The following PRIM2 variants were observed in gnomAD, a reference collection of about 807,000 sequenced individuals.
PRIM2 encodes DNA primase subunit 2.
PRIM2 carries 39 observed loss-of-function variants against 67.3 expected under a neutral mutation model. The ratio of observed to expected loss-of-function variants is 0.58; its 90% CI spans 0.45 to 0.76. The LOEUF is 0.76. Ranked by LOEUF, PRIM2 falls within the 30% of genes least tolerant of loss-of-function variation. The pLI is 0.00. For missense variants in PRIM2, 398 were observed against 598.7 expected, an observed-to-expected ratio of 0.66 and a Z score of 3.50; for synonymous variants, 143 against 198.7, an observed-to-expected ratio of 0.72 and a Z score of 2.36.
chr6:57,372,515 A>G (rs12213650), intron 5 of PRIM2, among the ~76,000 whole-genome samples: 1 of 152,304 alleles, frequency 6.6e-6, no homozygotes, highest in East Asian at 1.9e-4. Context: ...GATTGACACA[A>G]CTAAACTTCA....
At chr6:57,285,166 A>T in the PRIM2 span, among the ~76,000 whole-genome samples, 1 of 152,212 alleles carries the variant, frequency 6.6e-6, no homozygotes, top group Non-Finnish European at 1.5e-5. Context: ...CCAGGACTGG[A>T]CGGATTCACA....
chr6:57,290,827 G>C, the PRIM2 span, among the ~76,000 whole-genome samples: 8 of 152,148 alleles, frequency 5.3e-5, no homozygotes, highest in Admixed American at 2.0e-4. Context: ...CAACATACCA[G>C]AATCTCTGGG....
chr6:57,521,382 T>TGTTTG (rs1464443245), intron 8 of PRIM2, among the ~76,000 whole-genome samples: 27 of 147,372 alleles, frequency 1.8e-4, no homozygotes, highest in African/African-American at 6.5e-4. Flanking sequence ...TTTTTTTTTT[T>TGTTTG]TTTTTTTTTT....
chr6:57,291,619 C>A, the PRIM2 span, among the ~76,000 whole-genome samples: 1 of 152,146 alleles, frequency 6.6e-6, no homozygotes, highest in Non-Finnish European at 1.5e-5. Context: ...CAAACCGAAT[C>A]CAGCAGCACA....
intron 10 of PRIM2, among the ~76,000 whole-genome samples, chr6:57,555,893 G>A (rs1361252521): frequency 2.0e-5 from 3 of 152,142 alleles, no homozygotes; most frequent in Admixed American, 6.5e-5. Flanking sequence ...TAGCCAAGGG[G>A]GATAGAAAAA....
chr6:57,341,315 T>G (rs79110655), intron 5 of PRIM2, among the ~76,000 whole-genome samples: 1 of 152,236 alleles, frequency 6.6e-6, no homozygotes, highest in African/African-American at 2.4e-5. Flanking sequence ...TTATGCCTTA[T>G]GTTTTTGAAA....
At chr6:57,263,944 G>C in the PRIM2 span, among the ~76,000 whole-genome samples, 4 of 152,290 alleles carry the variant, frequency 2.6e-5, no homozygotes, top group South Asian at 6.2e-4. Flanking sequence ...CTTCAGACTA[G>C]AGCGTGCTGC....
chr6:57,630,197 T>C (rs1777018484), intron 12 of PRIM2, among the ~76,000 whole-genome samples: 3 of 151,854 alleles, frequency 2.0e-5, no homozygotes, highest in Admixed American at 1.3e-4. Flanking sequence ...TGCTGGGACA[T>C]GATTAAAGTT....
intron 9 of PRIM2, among the ~76,000 whole-genome samples, chr6:57,537,119 C>T (rs1226049623): frequency 2.6e-5 from 4 of 152,046 alleles, no homozygotes; most frequent in Non-Finnish European, 5.9e-5. Flanking sequence ...TGTATTATTT[C>T]TTGTAACTGT....
intron 5 of PRIM2, among the ~76,000 whole-genome samples, chr6:57,340,717 T>A (rs924136413): frequency 1.3e-5 from 2 of 150,826 alleles, no homozygotes; most frequent in African/African-American, 4.9e-5. Context: ...GGGGTGGGGG[T>A]AGGGGTGAGG....
chr6:57,374,307 T>TTTATTTATTTA (rs1562718660), intron 5 of PRIM2, among the ~76,000 whole-genome samples: 852 of 52,910 alleles, frequency 0.016, 11 homozygotes, highest in African/African-American at 0.057. Context: ...TTATTTATTT[T>TTTATTTATTTA]TTTTGAGACG....
At chr6:57,408,315 G>A (rs1281403095) in intron 7 of PRIM2, among the ~76,000 whole-genome samples, 2 of 152,188 alleles carry the variant, frequency 1.3e-5, no homozygotes, top group Non-Finnish European at 2.9e-5. Flanking sequence ...GGGCTCCAAA[G>A]CTGAGAGAAG....
intron 10 of PRIM2, among the ~76,000 whole-genome samples, chr6:57,570,295 G>A (rs1207906455): frequency 6.6e-6 from 1 of 152,136 alleles, no homozygotes; most frequent in Non-Finnish European, 1.5e-5. Flanking sequence ...AAAGCCAAAT[G>A]CCTTTGTTTC....
the PRIM2 span, among the ~76,000 whole-genome samples, chr6:57,240,097 T>TTTTTTTG: frequency 1.3e-3 from 26 of 19,932 alleles, no homozygotes; most frequent in African/African-American, 4.3e-3. Context: ...ATCTGTTTTT[T>TTTTTTTG]TTTTTTTTTT....
chr6:57,533,411 G>A (rs1774933616), intron 9 of PRIM2, among the ~76,000 whole-genome samples: 3 of 152,146 alleles, frequency 2.0e-5, no homozygotes, highest in Admixed American at 6.6e-5. Context: ...AATAAGACTA[G>A]TAGAGAAAGA....
At chr6:57,633,705 C>T (rs1339907047) in intron 13 of PRIM2, among the ~76,000 whole-genome samples, 9 of 152,110 alleles carry the variant, frequency 5.9e-5, no homozygotes, top group Non-Finnish European at 8.8e-5. Flanking sequence ...TAGATAATCA[C>T]GAGAAGCACG....
the PRIM2 span, among the ~76,000 whole-genome samples, chr6:57,233,351 G>T: frequency 6.6e-6 from 1 of 152,120 alleles, no homozygotes; most frequent in Non-Finnish European, 1.5e-5. Context: ...GTGATACAAA[G>T]ATACATAAAA....
In PRIM2 at chr6:57,367,490, A is replaced by G. The variant is rs561196733; in HGVS notation, c.460-12411A>G. On this transcript the variant is annotated intron_variant, in intron 5 of 13. Transcript: ENST00000615550. The stretch of plus-strand genomic sequence containing the variant: ...AAATACCTCCAAACCTAAAACAACA[A>G]TTCCAAAACCTAACATTAAAACTTA... Among the ~76,000 whole-genome samples, 689 of 152,346 alleles carry G rather than the reference A, an allele frequency of 4.5e-3. 6 individuals are homozygous for G. The highest frequency in any genetic ancestry group is 0.016 in the African/African-American group (652 of 41,586).
chr6:57,317,231 C>G (rs1767507334), upstream of PRIM2, among the ~76,000 whole-genome samples: 1 of 152,124 alleles, frequency 6.6e-6, no homozygotes, highest in Non-Finnish European at 1.5e-5. Flanking sequence ...CTTTTTTCCT[C>G]ATTCCTCCCC....
Sources: allele counts gnomAD v4.1 joint callset (sites outside exome capture counted in the v4.1 genomes callset), GRCh38; gene constraint gnomAD v4.1.1; transcripts MANE v1.5; gene names NCBI Gene and HGNC (gene_info 2026-07-23, HGNC 2026-07-21).